Variants in RBFOX1 observed in about 807,000 individuals in gnomAD.
The protein encoded by RBFOX1 is RNA binding fox-1 homolog 1.
RBFOX1 carries 8 observed loss-of-function variants against 57.7 expected under a neutral mutation model. The observed-to-expected ratio is 0.14, with a 90% CI of 0.08 to 0.25. The LOEUF (loss-of-function observed/expected upper bound fraction) is 0.25. Among genes scored for constraint, RBFOX1 ranks in the 10% least tolerant of loss-of-function variants. The pLI is 1.00. For synonymous variants in RBFOX1, 326 were observed against 222.4 expected, an observed-to-expected ratio of 1.47 and a Z score of -4.15; for missense variants, 611 against 548.5, an observed-to-expected ratio of 1.11 and a Z score of -1.14.
chr16:7,174,332 C>T (rs77253739), intron 4 of RBFOX1, among the ~76,000 whole-genome samples: 197 of 152,182 alleles, frequency 1.3e-3, no homozygotes, highest in African/African-American at 4.4e-3. Context: ...TTGATGGATA[C>T]GTGGATTGTT....
chr16:7,708,066 T>G (rs1598644570), intron 14 of RBFOX1, among the ~76,000 whole-genome samples: 1 of 152,104 alleles, frequency 6.6e-6, no homozygotes, highest in Non-Finnish European at 1.5e-5. Context: ...TCAGGCTGAG[T>G]GCAGTGACTC....
At chr16:7,488,337 C>G (rs1218969254) in intron 4 of RBFOX1, among the ~76,000 whole-genome samples, 8 of 152,124 alleles carry the variant, frequency 5.3e-5, no homozygotes, top group African/African-American at 1.4e-4. Context: ...TTTATTATAG[C>G]TAGATAGTTG....
chr16:5,821,027 T>A (rs901120056), intron 3 of RBFOX1, among the ~76,000 whole-genome samples: 2 of 152,208 alleles, frequency 1.3e-5, no homozygotes, highest in South Asian at 4.1e-4. Context: ...GTGCCTGATT[T>A]TCCCTCGTTT....
intron 3 of RBFOX1, among the ~76,000 whole-genome samples, chr16:6,693,874 G>T (rs1024989040): frequency 6.6e-6 from 1 of 152,220 alleles, no homozygotes; most frequent in African/African-American, 2.4e-5. Flanking sequence ...TGTTCACAGA[G>T]TGCCATATAC....
intron 3 of RBFOX1, among the ~76,000 whole-genome samples, chr16:6,955,157 G>T (rs889329906): frequency 1.3e-5 from 2 of 152,036 alleles, no homozygotes; most frequent in African/African-American, 4.8e-5. Context: ...AGGAGGATCA[G>T]TTGAGCCTGG....
At chr16:6,995,741 A>G (rs944176663) in intron 3 of RBFOX1, among the ~76,000 whole-genome samples, 4 of 152,144 alleles carry the variant, frequency 2.6e-5, no homozygotes, top group Admixed American at 2.0e-4. Flanking sequence ...AGCCTGGGCC[A>G]TAGAGTGAGA....
At chr16:5,976,917 T>A (rs1229830521) in intron 4 of RBFOX1, among the ~76,000 whole-genome samples, 1 of 152,146 alleles carries the variant, frequency 6.6e-6, no homozygotes, top group Non-Finnish European at 1.5e-5. Context: ...AAATTAGATG[T>A]GGAACAACGT....
intron 3 of RBFOX1, among the ~76,000 whole-genome samples, chr16:6,875,867 C>T (rs1004637321): frequency 6.6e-6 from 1 of 152,016 alleles, no homozygotes; most frequent in African/African-American, 2.4e-5. Context: ...TCATGGTGGT[C>T]CATGCGTGGA....
chr16:7,242,308 ATAAT>A (rs2094107482), intron 4 of RBFOX1, among the ~76,000 whole-genome samples: 1 of 152,194 alleles, frequency 6.6e-6, no homozygotes, highest in South Asian at 2.1e-4. Context: ...GGAAAAATAA[ATAAT>A]AGGCATGACA....
chr16:6,665,639 AGAAG>A (rs768848802), intron 3 of RBFOX1, among the ~76,000 whole-genome samples: 5 of 143,714 alleles, frequency 3.5e-5, no homozygotes, highest in East Asian at 2.0e-4. Flanking sequence ...AAAAAAAAAA[AGAAG>A]AAGGAGGGAG....
At chr16:6,895,745 A>T (rs892369134) in intron 3 of RBFOX1, among the ~76,000 whole-genome samples, 2 of 152,036 alleles carry the variant, frequency 1.3e-5, no homozygotes, top group African/African-American at 4.8e-5. Context: ...CTACATCTCA[A>T]CAGTGAGGAA....
At chr16:6,538,797 T>A (rs1041343666) in intron 2 of RBFOX1, among the ~76,000 whole-genome samples, 2 of 152,182 alleles carry the variant, frequency 1.3e-5, no homozygotes, top group African/African-American at 4.8e-5. Context: ...CTCTGTCTTG[T>A]TTGCTAATAT....
At chr16:6,390,419 G>A (rs1394818343) in intron 2 of RBFOX1, among the ~76,000 whole-genome samples, 3 of 152,162 alleles carry the variant, frequency 2.0e-5, no homozygotes, top group South Asian at 4.2e-4. Flanking sequence ...GTTAATGCAG[G>A]TATCAATTTT....
rs71147619 is a variant in RBFOX1 at position 6,886,055 on chromosome 16, A to AT, written c.-15-165992dup. On this transcript the variant is annotated intron_variant, in intron 3 of 15. Coordinates refer to ENST00000550418, the MANE Select transcript of RBFOX1 (RefSeq NM_018723.4). The stretch of plus-strand genomic sequence containing the variant: ...ATACTGTTGACTGTCCAGTGAAAGT[A>AT]TTTTTTTTTTCTTTTTTTTTTTTTT... Among the ~76,000 whole-genome samples, 956 of 144,754 alleles carry AT rather than the reference A, an allele frequency of 6.6e-3. 8 individuals are homozygous for AT. Among genetic ancestry groups the AT allele is most frequent in the African/African-American group, 0.023 (895 of 38,862 alleles). 95.0% of individuals were successfully genotyped at this position (144,754 alleles called of 152,430 possible).
intron 1 of RBFOX1, among the ~76,000 whole-genome samples, chr16:6,070,297 T>C (rs2095820346): frequency 3.9e-5 from 6 of 152,230 alleles, no homozygotes; most frequent in Admixed American, 3.9e-4. Flanking sequence ...GAAGACGTCA[T>C]GGGAGTTAAT....
At chr16:6,009,616 C>T (rs2094948148) in intron 4 of RBFOX1, among the ~76,000 whole-genome samples, 1 of 152,092 alleles carries the variant, frequency 6.6e-6, no homozygotes, top group Admixed American at 6.5e-5. Context: ...CTTGAGAGCA[C>T]AGCAAGCAAT....
At chr16:6,043,054 G>A (rs1189092672) in intron 1 of RBFOX1, among the ~76,000 whole-genome samples, 1 of 141,530 alleles carries the variant, frequency 7.1e-6, no homozygotes, top group African/African-American at 2.6e-5. Context: ...GGAGGCAGAG[G>A]TTGTGTTGAG....
At chr16:6,871,102 A>T (rs1251122552) in intron 3 of RBFOX1, among the ~76,000 whole-genome samples, 1 of 152,316 alleles carries the variant, frequency 6.6e-6, no homozygotes, top group East Asian at 1.9e-4. Flanking sequence ...TTCTTCTTAC[A>T]TTCTTTAGGA....
At chr16:6,653,067 A>T (rs549643397) in intron 2 of RBFOX1, among the ~76,000 whole-genome samples, 1 of 151,980 alleles carries the variant, frequency 6.6e-6, no homozygotes, top group Non-Finnish European at 1.5e-5. Flanking sequence ...TTTCCAGTGC[A>T]TTTCCCCCTT....
Sources: gnomAD v4.1 joint callset for allele counts (sites outside exome capture counted in the v4.1 genomes callset) on GRCh38, gnomAD v4.1.1 for gene constraint, MANE v1.5 for transcripts, NCBI Gene and HGNC (gene_info 2026-07-23, HGNC 2026-07-21) for gene names.